The following SIN3A variants were observed in gnomAD, a reference collection of about 807,000 sequenced individuals.
SIN3A encodes SIN3 transcription regulator family member A, also known as paired amphipathic helix protein Sin3a.
A neutral mutation model predicts 146.1 loss-of-function variants in SIN3A; 14 were observed. The observed-to-expected ratio is 0.10, with a 90% CI of 0.06 to 0.15. SIN3A has a LOEUF of 0.15. Among genes scored for constraint, SIN3A ranks in the 10% least tolerant of loss-of-function variants. The pLI, the probability that SIN3A is intolerant of heterozygous loss-of-function variation, is 1.00. For missense variants in SIN3A, 1,028 were observed against 1,576.0 expected (o/e 0.65, Z 5.89); for synonymous variants, 572 against 572.0 (o/e 1.00, Z 0.00).
chr15:75,442,625 A>G (rs1262639149), intron 1 of SIN3A, among the ~76,000 whole-genome samples: 1 of 150,730 alleles, frequency 6.6e-6, no homozygotes, highest in East Asian at 1.9e-4. Flanking sequence ...TTTAAAAAAA[A>G]AAAAAAAAAA....
intron 19 of SIN3A, among the ~76,000 whole-genome samples, chr15:75,376,720 T>C (rs1024817616): frequency 6.6e-6 from 1 of 150,836 alleles, no homozygotes; most frequent in African/African-American, 2.4e-5. Flanking sequence ...ATTAGGCAGG[T>C]GTGGTGACGT....
rs1302473005 is a variant in SIN3A at position 75,370,701 on chromosome 15, T to C, written c.*1278A>G. The C allele has an allele frequency of 2.0e-5, 3 of 152,078 alleles. No homozygotes were observed. Among genetic ancestry groups the C allele is most frequent in the Non-Finnish European group, 2.9e-5 (2 of 68,016 alleles). 9.4% of individuals were successfully genotyped at this position (152,078 alleles called of 1,614,324 possible). The stretch of plus-strand genomic sequence containing the variant: ...AAAATATATAGAAATACAAACTACA[T>C]AGCTTGACAACTTACCCAAATATAA... On this transcript the variant is annotated 3_prime_UTR_variant, in exon 21 of 21. Transcript: ENST00000394947.
intron 12 of SIN3A, among the ~76,000 whole-genome samples, chr15:75,397,514 T>C (rs1312372604): frequency 1.3e-5 from 2 of 152,228 alleles, no homozygotes; most frequent in Non-Finnish European, 2.9e-5. Context: ...CAGCAATCCC[T>C]TGGCCTGAAT....
rs961927976 is a variant in SIN3A, at chr15:75,433,733, C to A, written c.-33-3325G>T. On this transcript the variant is annotated intron_variant, in intron 1 of 20. Transcript: ENST00000394947. ...GCTGAGGCAGGAGAATGGCGTGGAC[C>A]GGGAGGCAGAGCTTGCAGTGAGCCG... 1.2e-4 allele frequency among the ~76,000 whole-genome samples: 18 copies of A among 151,980 alleles called. 1 individual carries two copies. The highest frequency in any genetic ancestry group is 2.4e-4 in the Non-Finnish European group (16 of 67,996).
intron 1 of SIN3A, among the ~76,000 whole-genome samples, chr15:75,445,332 G>C (rs2141626138): frequency 7.3e-6 from 1 of 137,772 alleles, no homozygotes; most frequent in East Asian, 2.1e-4. Flanking sequence ...AGTGAGCTGA[G>C]ATCGCGCTAC....
chr15:75,438,620 T>C (rs2141601517), intron 1 of SIN3A, among the ~76,000 whole-genome samples: 1 of 151,930 alleles, frequency 6.6e-6, no homozygotes, highest in African/African-American at 2.4e-5. Flanking sequence ...GCCTGGGAGG[T>C]TGAGGCTACA....
chr15:75,436,183 C>G (rs908287935), intron 1 of SIN3A, among the ~76,000 whole-genome samples: 1 of 151,632 alleles, frequency 6.6e-6, no homozygotes. Context: ...AAAAAACATG[C>G]TAGCCACGCA....
intron 1 of SIN3A, among the ~76,000 whole-genome samples, chr15:75,449,226 T>A (rs1239264681): frequency 6.6e-6 from 1 of 152,218 alleles, no homozygotes; most frequent in Non-Finnish European, 1.5e-5. Context: ...ATTACAGCCA[T>A]CATTTGCTAA....
intron 2 of SIN3A, among the ~76,000 whole-genome samples, chr15:75,425,840 A>T (rs1235458129): frequency 6.6e-6 from 1 of 152,226 alleles, no homozygotes; most frequent in Non-Finnish European, 1.5e-5. Context: ...TTTAAGAGAG[A>T]ATAAAACTTT....
At chr15:75,422,380 G>A in intron 3 of SIN3A, 1 of 602,914 alleles carries the variant, frequency 1.7e-6, no homozygotes, top group South Asian at 2.0e-5. Flanking sequence ...GGTTTATTTT[G>A]TATTAAAATG....
intron 3 of SIN3A, among the ~76,000 whole-genome samples, chr15:75,419,005 C>T (rs1275942240): frequency 6.6e-5 from 10 of 152,036 alleles, no homozygotes; most frequent in Non-Finnish European, 1.5e-4. Flanking sequence ...GATCTGCCCG[C>T]CTCGGCCTCT....
At position 75,371,122 on chromosome 15, in the gene SIN3A, T is replaced by TAG. The variant is rs561610792; in HGVS notation, c.*855_*856dup. The TAG allele has an allele frequency of 6.6e-6, 1 of 152,612 alleles. No individual in the cohort carries two copies. The highest frequency in any genetic ancestry group is 1.5e-5 in the Non-Finnish European group (1 of 68,036). 9.5% of individuals were successfully genotyped at this position (152,612 alleles called of 1,614,324 possible). ...CACAGTACTATGGTACACAAGAAGC[T>TAG]AGAGCAGTTATGCTAGCACATCAAA... On this transcript the variant is annotated 3_prime_UTR_variant, in exon 21 of 21. Coordinates refer to ENST00000394947, the MANE Select transcript of SIN3A (RefSeq NM_001145358.2).
chr15:75,444,407 C>CTCCA (rs2074269035), intron 1 of SIN3A, among the ~76,000 whole-genome samples: 1 of 152,074 alleles, frequency 6.6e-6, no homozygotes, highest in South Asian at 2.1e-4. Flanking sequence ...CGCTACTGCA[C>CTCCA]TCCAGCCTGG....
In SIN3A at chr15:75,432,530, T is replaced by C. The variant is rs142884901; in HGVS notation, c.-33-2122A>G. On this transcript the variant is annotated intron_variant, in intron 1 of 20. Coordinates refer to ENST00000394947, the MANE Select transcript of SIN3A (RefSeq NM_001145358.2). The stretch of plus-strand genomic sequence containing the variant: ...GGTGAAACCCTGTCTCCAGTAAAAA[T>C]ACAAAAATTAGCCAGGTGTGATGGC... Among the ~76,000 whole-genome samples, 936 of 149,176 alleles carry C rather than the reference T, an allele frequency of 6.3e-3. 19 individuals carry two copies. Among genetic ancestry groups the C allele is most frequent in the African/African-American group, 0.022 (889 of 40,414 alleles).
intron 2 of SIN3A, among the ~76,000 whole-genome samples, chr15:75,426,290 A>T (rs964344166): frequency 2.0e-5 from 3 of 152,224 alleles, no homozygotes; most frequent in South Asian, 4.1e-4. Context: ...GGGATTAGAC[A>T]GCCTCAAGGG....
Position 75,369,927 on chromosome 15 carries a change from T to A in SIN3A, c.*2052A>T, listed in dbSNP as rs556085475. On this transcript the variant is annotated 3_prime_UTR_variant, in exon 21 of 21. Coordinates refer to ENST00000394947, the MANE Select transcript of SIN3A (RefSeq NM_001145358.2). Reference sequence around the variant, plus strand: ...AAGCTCTTTTTGGCACCCTACACTTTGGCTCACAGTCTCTTCTCCCCAGTA... The same window carrying A: ...AAGCTCTTTTTGGCACCCTACACTTAGGCTCACAGTCTCTTCTCCCCAGTA... 1 of 152,292 alleles carries A rather than the reference T, an allele frequency of 6.6e-6. No homozygotes were observed. Among genetic ancestry groups the A allele is most frequent in the Non-Finnish European group, 1.5e-5 (1 of 68,116 alleles). 9.4% of individuals were successfully genotyped at this position (152,292 alleles called of 1,614,324 possible).
In SIN3A at chr15:75,389,783, C is replaced by T; in HGVS notation, c.2890G>A (p.Asp964Asn). 1.2e-6 allele frequency: 2 copies of T among 1,614,092 alleles called. No homozygotes were observed. Among genetic ancestry groups the T allele is most frequent in the Non-Finnish European group, 1.7e-6 (2 of 1,180,016 alleles). ...CCATCCAGCAGGCTCCGCACCATGT[C>T]CAGGAAAGCTGGGTAATAATCTTCT... Reference protein sequence around the residue: ...DVEDYYPAFLDMVRSLLDGNI... With the variant: ...DVEDYYPAFLNMVRSLLDGNI... Residue 964 changes from aspartate (D) to asparagine (N), a missense_variant, in exon 16 of 21, where the codon GAC (aspartate) becomes AAC (asparagine). Physicochemically the swap from Asp to Asn is conservative, Grantham distance 23. Around this residue, in one of 9 missense-constraint regions of SIN3A, gnomAD observed 488 missense variants for 690.2 expected, o/e 0.71. Transcript: ENST00000394947.
chr15:75,412,109 T>A (rs868663549), intron 5 of SIN3A, among the ~76,000 whole-genome samples: 7 of 152,168 alleles, frequency 4.6e-5, no homozygotes, highest in Non-Finnish European at 7.4e-5. Context: ...TTGCAGTAGC[T>A]CCACATAAAA....
chr15:75,442,885 T>C (rs1399972710), intron 1 of SIN3A, among the ~76,000 whole-genome samples: 1 of 150,374 alleles, frequency 6.7e-6, no homozygotes, highest in Non-Finnish European at 1.5e-5. Context: ...TGAGCCGAGA[T>C]TGTGCCATGG....
Sources: gnomAD v4.1 joint callset for allele counts (sites outside exome capture counted in the v4.1 genomes callset) on GRCh38, gnomAD v4.1.1 for gene constraint, gnomAD v4.1.1 regional missense constraint, MANE v1.5 for transcripts, NCBI Gene and HGNC (gene_info 2026-07-23, HGNC 2026-07-21) for gene names.